The following MRPS5 variants were observed in gnomAD, a reference collection of about 807,000 sequenced individuals.
MRPS5 encodes mitochondrial ribosomal protein S5.
In MRPS5, 27 loss-of-function variants were observed where a neutral mutation model predicts 51.9. The observed-to-expected ratio is 0.52, with a 90% CI of 0.38 to 0.72. The LOEUF (loss-of-function observed/expected upper bound fraction) is 0.72. MRPS5 is among the 30% of genes least tolerant of loss of function. The probability of loss-of-function intolerance (pLI) is 0.00; values close to 1 mark genes in which losing one functional copy is unlikely to be tolerated. For missense variants in MRPS5, 570 were observed against 545.7 expected (o/e 1.04, Z -0.44); for synonymous variants, 196 against 193.2 (o/e 1.01, Z -0.12).
chr2:95,101,748 G>GA, intron 7 of MRPS5, 25 bp from the exon 8 acceptor site: 1 of 1,563,294 alleles, frequency 6.4e-7, no homozygotes, highest in Non-Finnish European at 8.7e-7. Flanking sequence ...GCAAAAATAA[G>GA]AAAAGAGACA....
At chr2:95,088,388 G>A (rs1331770534) in intron 11 of MRPS5, among the ~76,000 whole-genome samples, 1 of 152,176 alleles carries the variant, frequency 6.6e-6, no homozygotes, top group East Asian at 1.9e-4. Flanking sequence ...AGGGCCATGG[G>A]GATTCACTGC....
At chr2:95,120,131 A>G (rs1455267602) in intron 1 of MRPS5, among the ~76,000 whole-genome samples, 2 of 152,244 alleles carry the variant, frequency 1.3e-5, no homozygotes, top group African/African-American at 4.8e-5. Context: ...CAGAAATAAA[A>G]ATATACTTAC....
intron 1 of MRPS5, among the ~76,000 whole-genome samples, chr2:95,121,502 T>A (rs1446957378): frequency 2.0e-5 from 3 of 152,180 alleles, no homozygotes; most frequent in African/African-American, 7.2e-5. Context: ...GGAAGAACCC[T>A]GAAGAACGAC....
chr2:95,098,200 G>A (rs1002281529), intron 10 of MRPS5, among the ~76,000 whole-genome samples: 1 of 152,210 alleles, frequency 6.6e-6, no homozygotes, highest in Admixed American at 6.5e-5. Context: ...ACAGGTGCTG[G>A]AGAGGATGTA....
chr2:95,121,738 C>T lies in MRPS5; in HGVS notation c.54G>A (p.Thr18=), dbSNP rs114292623. The change falls in exon 1 of 12, where the codon ACG becomes ACA. Residue 18 remains threonine (T), a synonymous_variant. Coordinates refer to ENST00000272418, the MANE Select transcript of MRPS5 (RefSeq NM_031902.5). ...VGCLPVLCSG[T]AGHLLGRQCS... is the part of the protein sequence containing the mutation. ...TCCCGGCGTCCCAGCTCTCACCTGCCGTCCCGCTACACAGCACGGGGAGGC... is the reference window on the plus strand; with the variant it reads ...TCCCGGCGTCCCAGCTCTCACCTGCTGTCCCGCTACACAGCACGGGGAGGC... The T allele has an allele frequency of 1.3e-6, 2 of 1,547,730 alleles. No individual in the cohort carries two copies. The highest frequency in any genetic ancestry group is 8.7e-7 in the Non-Finnish European group (1 of 1,155,272).
rs767977505 is a variant in MRPS5 at position 95,087,469 on chromosome 2, T to C, written c.1181A>G (p.Asp394Gly). 6.2e-6 allele frequency: 10 copies of C among 1,614,042 alleles called. No individual in the cohort carries two copies. In the South Asian group the frequency reaches 6.6e-5, roughly 11 times the overall value. ...TGGAACCTCATCTTCTGGCTCTGGA[T>C]CCTTCCTCAAGGGCCCCCGGGGGGA... ...VASPRGPLRKDPEPEDEVPDV... is the reference protein window; with the variant it reads ...VASPRGPLRKGPEPEDEVPDV... Residue 394 changes from aspartate (D) to glycine (G), a missense_variant, in exon 12 of 12, where the codon GAT becomes GGT. Physicochemically the swap from Asp to Gly is moderately conservative, Grantham distance 94. Transcript: ENST00000272418.
intron 10 of MRPS5, among the ~76,000 whole-genome samples, chr2:95,094,489 G>T (rs1021706128): frequency 2.0e-5 from 3 of 152,188 alleles, no homozygotes; most frequent in Non-Finnish European, 4.4e-5. Flanking sequence ...AGAGAGAAAG[G>T]TCGGGTTATC....
chr2:95,117,646 A>T (rs1462772662), intron 2 of MRPS5, among the ~76,000 whole-genome samples: 4 of 151,490 alleles, frequency 2.6e-5, no homozygotes, highest in Admixed American at 2.6e-4. Flanking sequence ...CTTGAACTAT[A>T]ACAATTGCAA....
At chr2:95,110,942 C>T (rs1335887223) in intron 3 of MRPS5, among the ~76,000 whole-genome samples, 2 of 152,202 alleles carry the variant, frequency 1.3e-5, no homozygotes, top group African/African-American at 2.4e-5. Flanking sequence ...CCTTCATTCT[C>T]TTATGAATGC....
At chr2:95,092,132 A>T (rs1021145767) in intron 10 of MRPS5, 2 of 152,268 alleles carry the variant, frequency 1.3e-5, no homozygotes, top group South Asian at 2.1e-4. Flanking sequence ...TGTGTGACAC[A>T]TACACAAACA....
At chr2:95,090,980 C>A in intron 10 of MRPS5, 1 of 157,892 alleles carries the variant, frequency 6.3e-6, no homozygotes, top group Non-Finnish European at 1.4e-5. Flanking sequence ...AGCTATTGGC[C>A]TGTCCTCTCC....
Position 95,110,050 on chromosome 2 carries a change from A to C in MRPS5, c.278-9T>G. Reference sequence around the variant, plus strand: ...CAGCTCATCTGCAGTCACTGTAACGAAACAGGGTTTCTTTTCTTAATTCTG... The same window carrying C: ...CAGCTCATCTGCAGTCACTGTAACGCAACAGGGTTTCTTTTCTTAATTCTG... On this transcript the variant is annotated splice_polypyrimidine_tract_variant and intron_variant, in intron 3 of 11. Transcript: ENST00000272418. 1 of 1,603,056 alleles carries C rather than the reference A, an allele frequency of 6.2e-7. No individual in the cohort carries two copies. The highest frequency in any genetic ancestry group is 8.5e-7 in the Non-Finnish European group (1 of 1,177,498).
intron 10 of MRPS5, among the ~76,000 whole-genome samples, chr2:95,099,248 A>G (rs1465103594): frequency 1.3e-5 from 2 of 152,056 alleles, no homozygotes; most frequent in Non-Finnish European, 2.9e-5. Context: ...AAAAAAAAAA[A>G]AGTTGTAGCA....
chr2:95,092,559 AG>A (rs1175447619), intron 10 of MRPS5: 3 of 152,232 alleles, frequency 2.0e-5, no homozygotes, highest in Non-Finnish European at 4.4e-5. Context: ...GTATGTATTC[AG>A]GAAACGTCTA....
intron 9 of MRPS5, 50 bp from the exon 10 acceptor site, chr2:95,100,586 A>C (rs1436730965): frequency 7.2e-7 from 1 of 1,392,720 alleles, no homozygotes; most frequent in East Asian, 2.3e-5. Context: ...TGGCTTTAAT[A>C]AGCCTTTGCA....
At chr2:95,097,770 T>C (rs913715626) in intron 10 of MRPS5, among the ~76,000 whole-genome samples, 3 of 152,170 alleles carry the variant, frequency 2.0e-5, no homozygotes, top group Non-Finnish European at 4.4e-5. Flanking sequence ...GGCAATACCA[T>C]TCAGGTCATA....
Position 95,108,196 on chromosome 2 carries a change from G to A in MRPS5, c.616C>T (p.Pro206Ser). 6.2e-7 allele frequency: 1 copy of A among 1,614,106 alleles called. No individual in the cohort carries two copies. The highest frequency in any genetic ancestry group is 8.5e-7 in the Non-Finnish European group (1 of 1,180,022). ...NSWGGISLGP[P>S]DPGPCGETYE... ...CTACCTCCACAGGGACCAGGGTCAG[G>A]GGGGCCAAGACTGATGCCTCCCCAT... The change falls in exon 5 of 12, where the codon CCT (proline) becomes TCT (serine). Residue 206 changes from proline to serine, a missense_variant. By Grantham distance (74) the Pro-to-Ser change is moderately conservative. Coordinates refer to ENST00000272418, the MANE Select transcript of MRPS5 (RefSeq NM_031902.5).
At chr2:95,102,895 T>C (rs1675844357) in intron 7 of MRPS5, among the ~76,000 whole-genome samples, 1 of 152,234 alleles carries the variant, frequency 6.6e-6, no homozygotes, top group South Asian at 2.1e-4. Context: ...ATTTTGTTTT[T>C]AAATTATACA....
Position 95,087,408 on chromosome 2 carries a change from T to C in MRPS5, c.1242A>G (p.Ala414=), listed in dbSNP as rs1675324670. 9 of 1,614,066 alleles carry C rather than the reference T, an allele frequency of 5.6e-6. No individual in the cohort carries two copies. In the East Asian group the frequency reaches 1.6e-4, roughly 28 times the overall value. ...ACCACACAGAGCGCTTCATTCCCTG[T>C]GCAGTCTTCACATCTTCCCAGTCCA... ...VKLDWEDVKT[A]QGMKRSVWSN... Residue 414 remains alanine (A), a synonymous_variant, in exon 12 of 12, where the codon GCA becomes GCG. Transcript: ENST00000272418.
Sources: allele counts gnomAD v4.1 joint callset (sites outside exome capture counted in the v4.1 genomes callset), GRCh38; gene constraint gnomAD v4.1.1; transcripts MANE v1.5; gene names NCBI Gene and HGNC (gene_info 2026-07-23, HGNC 2026-07-21).